Variants in OSTF1 observed in about 807,000 individuals in gnomAD.
OSTF1 encodes the protein osteoclast-stimulating factor 1.
A neutral mutation model predicts 37.2 loss-of-function variants in OSTF1; 27 were observed. That is an observed-to-expected ratio of 0.73 (90% CI 0.54 to 1.00). OSTF1 has a LOEUF of 1.00. OSTF1 is among the 50% of genes least tolerant of loss of function. The pLI is 0.00. For synonymous variants in OSTF1, 82 were observed against 89.2 expected (o/e 0.92, Z 0.46); for missense variants, 232 against 253.8 (o/e 0.91, Z 0.58).
chr9:75,126,348 A>G (rs1825661452), intron 2 of OSTF1, among the ~76,000 whole-genome samples: 1 of 152,214 alleles, frequency 6.6e-6, no homozygotes, highest in African/African-American at 2.4e-5. Flanking sequence ...CTCATGACAG[A>G]ATTTGGAAAT....
chr9:75,106,645 C>CG (rs1484436431), intron 1 of OSTF1, among the ~76,000 whole-genome samples: 12 of 85,890 alleles, frequency 1.4e-4, no homozygotes, highest in Non-Finnish European at 2.0e-4. Flanking sequence ...AATTCCATCT[C>CG]GAAAAAAAAA....
chr9:75,140,809 A>G, intron 8 of OSTF1, 25 bp from the exon 9 acceptor site: 1 of 1,562,576 alleles, frequency 6.4e-7, no homozygotes, highest in East Asian at 2.2e-5. Flanking sequence ...AAAGACACCT[A>G]ATTGACTTTT....
chr9:75,122,565 A>G (rs946099372), intron 2 of OSTF1, among the ~76,000 whole-genome samples: 4 of 152,220 alleles, frequency 2.6e-5, no homozygotes, highest in African/African-American at 9.7e-5. Flanking sequence ...TCATGACACC[A>G]TGATGGCCAA....
intron 9 of OSTF1, among the ~76,000 whole-genome samples, chr9:75,143,556 G>A (rs972064152): frequency 6.6e-6 from 1 of 152,178 alleles, no homozygotes; most frequent in Non-Finnish European, 1.5e-5. Context: ...GAATCAAACA[G>A]TATGTACTTT....
chr9:75,138,444 C>T (rs2118615714), intron 8 of OSTF1, among the ~76,000 whole-genome samples: 1 of 152,284 alleles, frequency 6.6e-6, no homozygotes, highest in East Asian at 1.9e-4. Context: ...ATGGCAGCCA[C>T]TAGCCACGTG....
chr9:75,119,385 T>C (rs1052964287), intron 2 of OSTF1, among the ~76,000 whole-genome samples: 1 of 152,232 alleles, frequency 6.6e-6, no homozygotes, highest in African/African-American at 2.4e-5. Context: ...GGGTTTTTAT[T>C]CTTCTCACCA....
intron 2 of OSTF1, among the ~76,000 whole-genome samples, chr9:75,120,406 A>T (rs1274276236): frequency 1.3e-5 from 2 of 152,036 alleles, no homozygotes; most frequent in African/African-American, 4.8e-5. Flanking sequence ...CCTGAGAGGG[A>T]TAAAAGTGAG....
At chr9:75,118,193 GT>G (rs1182053617) in intron 2 of OSTF1, among the ~76,000 whole-genome samples, 1 of 152,180 alleles carries the variant, frequency 6.6e-6, no homozygotes, top group Non-Finnish European at 1.5e-5. Context: ...GAGCAAAGAA[GT>G]TAATGGAGAA....
rs987984973 is a variant in OSTF1, at chr9:75,099,580, C to A, written c.34+10854C>A. On this transcript the variant is annotated intron_variant, in intron 1 of 9. Coordinates refer to ENST00000346234, the MANE Select transcript of OSTF1 (RefSeq NM_012383.5). ...TGGTGGCTCACGCCTGTAATCCCAG[C>A]ACTTTGGGAGGCCAAGGCAGGTGGA... 3.9e-5 allele frequency among the ~76,000 whole-genome samples: 6 copies of A among 152,202 alleles called. No individual in the cohort carries two copies. In the South Asian group the frequency reaches 1.2e-3, roughly 32 times the overall value.
At chr9:75,089,954 G>A (rs753003657) in intron 1 of OSTF1, among the ~76,000 whole-genome samples, 1 of 152,170 alleles carries the variant, frequency 6.6e-6, no homozygotes, top group Non-Finnish European at 1.5e-5. Flanking sequence ...TGACATCTTG[G>A]TGGGCTGAGT....
At chr9:75,108,982 G>A (rs911469857) in intron 1 of OSTF1, among the ~76,000 whole-genome samples, 6 of 150,328 alleles carry the variant, frequency 4.0e-5, no homozygotes, top group South Asian at 4.2e-4. Flanking sequence ...TAATAAGAGT[G>A]TAATTTTAAT....
At chr9:75,133,169 T>A in intron 5 of OSTF1, 125 bp from the exon 6 acceptor site, 2 of 607,004 alleles carry the variant, frequency 3.3e-6, no homozygotes, top group Non-Finnish European at 5.9e-6. Context: ...GGGGAGGTCT[T>A]AATTTAATAC....
chr9:75,093,572 A>G (rs1259398688), intron 1 of OSTF1, among the ~76,000 whole-genome samples: 1 of 152,198 alleles, frequency 6.6e-6, no homozygotes, highest in African/African-American at 2.4e-5. Context: ...GTGCCTTGTG[A>G]AAATAAATTC....
At chr9:75,106,734 T>G (rs1180280204) in intron 1 of OSTF1, among the ~76,000 whole-genome samples, 1 of 145,854 alleles carries the variant, frequency 6.9e-6, no homozygotes, top group Non-Finnish European at 1.5e-5. Flanking sequence ...GGCGGGCGGA[T>G]CACAAGGTCA....
Position 75,088,615 on chromosome 9 carries a change from G to A in OSTF1, c.-78G>A. On this transcript the variant is annotated 5_prime_UTR_variant, in exon 1 of 10. The change creates a new upstream start codon in the 5' untranslated region. Coordinates refer to ENST00000346234, the MANE Select transcript of OSTF1 (RefSeq NM_012383.5). ...TGTAAGCCAGACAAAAAGAACTGGG[G>A]TGCCCGGAGTGCCAGGTGGCGGGCA... The A allele has an allele frequency of 6.9e-7, 1 of 1,448,486 alleles. No individual in the cohort carries two copies. The highest frequency in any genetic ancestry group is 9.5e-7 in the Non-Finnish European group (1 of 1,048,524). 89.7% of individuals were successfully genotyped at this position (1,448,486 alleles called of 1,614,324 possible). A position where few individuals can be genotyped will look rare whatever the true frequency, so the allele number is the denominator to read the frequency against.
chr9:75,145,177 A>ATCTATCTATCTATCATCTATCTAATCT (rs10701570), intron 9 of OSTF1, among the ~76,000 whole-genome samples: 19 of 149,064 alleles, frequency 1.3e-4, no homozygotes, highest in African/African-American at 4.4e-4. Flanking sequence ...CTATCTATCT[A>ATCTATCTATCTATCATCTATCTAATCT]ATCTATCTAT....
At chr9:75,125,333 GT>G (rs1487254173) in intron 2 of OSTF1, among the ~76,000 whole-genome samples, 1 of 152,124 alleles carries the variant, frequency 6.6e-6, no homozygotes, top group Non-Finnish European at 1.5e-5. Flanking sequence ...GAAATAGTTT[GT>G]TTACCTAATC....
intron 8 of OSTF1, among the ~76,000 whole-genome samples, chr9:75,139,797 A>G (rs761683854): frequency 2.6e-5 from 4 of 152,236 alleles, no homozygotes; most frequent in Non-Finnish European, 4.4e-5. Flanking sequence ...ACAGAAATTC[A>G]GAGGATCATT....
At chr9:75,119,151 C>T (rs1462453303) in intron 2 of OSTF1, among the ~76,000 whole-genome samples, 2 of 152,224 alleles carry the variant, frequency 1.3e-5, no homozygotes, top group East Asian at 3.8e-4. Context: ...TTACTTACTG[C>T]GTGAATTTTC....
Sources: allele counts gnomAD v4.1 joint callset (sites outside exome capture counted in the v4.1 genomes callset), GRCh38; gene constraint gnomAD v4.1.1; transcripts MANE v1.5; gene names NCBI Gene and HGNC (gene_info 2026-07-23, HGNC 2026-07-21).